Variants in GPM6A observed in about 807,000 individuals in gnomAD.
GPM6A encodes glycoprotein M6A, also known as neuronal membrane glycoprotein M6-a.
A neutral mutation model predicts 32.1 loss-of-function variants in GPM6A; 7 were observed. The observed-to-expected ratio is 0.22, with a 90% CI of 0.12 to 0.41. The LOEUF is 0.41. GPM6A is among the 10% of genes least tolerant of loss of function. The probability of loss-of-function intolerance (pLI) is 1.00; values close to 1 mark genes in which losing one functional copy is unlikely to be tolerated. For missense variants in GPM6A, 235 were observed against 347.2 expected (o/e 0.68, Z 2.57); for synonymous variants, 130 against 123.4 (o/e 1.05, Z -0.35).
chr4:175,958,861 C>A (rs116806011), intron 1 of GPM6A, among the ~76,000 whole-genome samples: 96 of 152,314 alleles, frequency 6.3e-4, no homozygotes, highest in Admixed American at 1.1e-3. Flanking sequence ...TACTCAGATC[C>A]ATTTCCATTC....
At chr4:175,814,900 A>G (rs1735051014), upstream of GPM6A, among the ~76,000 whole-genome samples, 1 of 152,214 alleles carries the variant, frequency 6.6e-6, no homozygotes, top group Admixed American at 6.5e-5. Context: ...AACCATGGCC[A>G]CCAGCTATCT....
intron 1 of GPM6A, among the ~76,000 whole-genome samples, chr4:175,985,738 C>A (rs1016204253): frequency 2.0e-5 from 3 of 152,020 alleles, no homozygotes; most frequent in African/African-American, 7.2e-5. Context: ...CTATTCTATT[C>A]CTAATTTACT....
At chr4:175,815,718 C>CTTTTT (rs60711329), upstream of GPM6A, among the ~76,000 whole-genome samples, 8 of 127,112 alleles carry the variant, frequency 6.3e-5, no homozygotes, top group Non-Finnish European at 9.5e-5. Flanking sequence ...TTTTTCTTTT[C>CTTTTT]TTTTTTTTTT....
At chr4:175,790,187 T>A (rs984667648) in intron 1 of GPM6A, 1 of 149,174 alleles carries the variant, frequency 6.7e-6, no homozygotes, top group Non-Finnish European at 1.5e-5. Context: ...TCTACACAGT[T>A]TTTTATTCCC....
intron 1 of GPM6A, among the ~76,000 whole-genome samples, chr4:175,850,343 G>A (rs1736214388): frequency 6.6e-6 from 1 of 152,142 alleles, no homozygotes; most frequent in African/African-American, 2.4e-5. Context: ...AGGAAAAAAT[G>A]GAACATTTTG....
At position 175,777,507 on chromosome 4, in the gene GPM6A, C is replaced by A. The variant is rs1004187518; in HGVS notation, c.37+34684G>T. On this transcript the variant is annotated intron_variant, in intron 1 of 6. Coordinates refer to ENST00000393658, the MANE Select transcript of GPM6A (RefSeq NM_201591.3). ...TAACATGTAATTGTGAGATAGAGAA[C>A]ATTCTCTTCTTTATTAACTTAGTAA... Among the ~76,000 whole-genome samples the A allele has an allele frequency of 4.6e-5, 7 of 151,986 alleles. No homozygotes were observed. In the South Asian group the frequency reaches 1.5e-3, roughly 32 times the overall value.
Position 175,763,161 on chromosome 4 carries a change from T to C in GPM6A, c.37+49030A>G, listed in dbSNP as rs181189818. On this transcript the variant is annotated intron_variant, in intron 1 of 6. Coordinates refer to ENST00000393658, the MANE Select transcript of GPM6A (RefSeq NM_201591.3). ...TTCAATACATTTTCAATTATTTTTA[T>C]TTTTGAAAAGTATTTCAGATTTTTA... Among the ~76,000 whole-genome samples, 567 of 152,298 alleles carry C rather than the reference T, an allele frequency of 3.7e-3. 3 individuals are homozygous for C. Among genetic ancestry groups the C allele is most frequent in the Middle Eastern group, 0.024 (7 of 294 alleles).
At chr4:175,806,296 G>A (rs1243468771) in intron 1 of GPM6A, among the ~76,000 whole-genome samples, 1 of 152,108 alleles carries the variant, frequency 6.6e-6, no homozygotes, top group Non-Finnish European at 1.5e-5. Context: ...ATCACTCCAA[G>A]GACACTATCA....
At chr4:175,996,376 T>C (rs918960154) in intron 1 of GPM6A, among the ~76,000 whole-genome samples, 1 of 152,192 alleles carries the variant, frequency 6.6e-6, no homozygotes, top group Non-Finnish European at 1.5e-5. Flanking sequence ...TTTGTAAAGC[T>C]AACACATTCT....
At chr4:175,758,998 G>C (rs1242987769) in intron 1 of GPM6A, among the ~76,000 whole-genome samples, 1 of 152,130 alleles carries the variant, frequency 6.6e-6, no homozygotes, top group Non-Finnish European at 1.5e-5. Flanking sequence ...TCAGTGTCTA[G>C]CATGCAGCAC....
At chr4:175,994,668 G>C (rs1358086309) in intron 1 of GPM6A, among the ~76,000 whole-genome samples, 3 of 152,202 alleles carry the variant, frequency 2.0e-5, no homozygotes, top group Non-Finnish European at 2.9e-5. Flanking sequence ...TGACTGATCA[G>C]GGTGGTGGTT....
chr4:175,707,519 A>AT (rs1295588820), intron 1 of GPM6A, among the ~76,000 whole-genome samples: 1 of 152,118 alleles, frequency 6.6e-6, no homozygotes, highest in Non-Finnish European at 1.5e-5. Flanking sequence ...TTAGATATTA[A>AT]TTTTTTATCC....
intron 1 of GPM6A, among the ~76,000 whole-genome samples, chr4:175,869,777 CA>C (rs1215579614): frequency 3.1e-5 from 4 of 127,682 alleles, no homozygotes; most frequent in South Asian, 2.2e-4. Flanking sequence ...AAAACAAAAA[CA>C]AACAAAAAAA....
intron 1 of GPM6A, among the ~76,000 whole-genome samples, chr4:175,759,182 C>A (rs1732644450): frequency 2.6e-5 from 4 of 151,890 alleles, no homozygotes; most frequent in Non-Finnish European, 5.9e-5. Context: ...ATACAGTGTC[C>A]AGTTATTTGC....
intron 1 of GPM6A, among the ~76,000 whole-genome samples, chr4:175,704,719 G>A (rs940206850): frequency 6.6e-6 from 1 of 152,172 alleles, no homozygotes; most frequent in Non-Finnish European, 1.5e-5. Context: ...AGGATTTGAT[G>A]TGGTTGTGGG....
chr4:175,879,734 T>G (rs1454782458), intron 1 of GPM6A, among the ~76,000 whole-genome samples: 2 of 152,332 alleles, frequency 1.3e-5, no homozygotes, highest in Non-Finnish European at 2.9e-5. Flanking sequence ...AATGGCCTTC[T>G]TCCCTCCACT....
chr4:175,993,575 C>T (rs1741216315), intron 1 of GPM6A, among the ~76,000 whole-genome samples: 1 of 152,146 alleles, frequency 6.6e-6, no homozygotes, highest in African/African-American at 2.4e-5. Context: ...CACAGTTTTG[C>T]CTTCTTTCCT....
intron 1 of GPM6A, among the ~76,000 whole-genome samples, chr4:175,994,652 G>A (rs566370066): frequency 2.6e-5 from 4 of 152,282 alleles, no homozygotes; most frequent in East Asian, 1.9e-4. Context: ...CCCTGTTGAC[G>A]GCTGCTGACT....
chr4:175,947,187 T>TAA (rs11351091), intron 1 of GPM6A, among the ~76,000 whole-genome samples: 34 of 147,852 alleles, frequency 2.3e-4, no homozygotes, highest in East Asian at 9.9e-4. Flanking sequence ...ACAGAGTCTT[T>TAA]AAAAAAAAAA....
Sources: allele counts gnomAD v4.1 joint callset (sites outside exome capture counted in the v4.1 genomes callset), GRCh38; gene constraint gnomAD v4.1.1; transcripts MANE v1.5; gene names NCBI Gene and HGNC (gene_info 2026-07-23, HGNC 2026-07-21).